SSBP3: variants seen among roughly 807,000 people sequenced by gnomAD.
SSBP3 encodes the protein single-stranded DNA-binding protein 3.
SSBP3 carries 5 observed loss-of-function variants against 69.6 expected under a neutral mutation model. The observed-to-expected ratio is 0.07, with a 90% CI of 0.04 to 0.15. The LOEUF is 0.15. SSBP3 is among the 10% of genes least tolerant of loss of function. The probability of loss-of-function intolerance (pLI) is 1.00; values close to 1 mark genes in which losing one functional copy is unlikely to be tolerated. For missense variants in SSBP3, 312 were observed against 534.0 expected, an observed-to-expected ratio of 0.58 and a Z score of 4.10; for synonymous variants, 196 against 193.4, an observed-to-expected ratio of 1.01 and a Z score of -0.11.
chr1:54,366,923 C>T (rs763396284), intron 4 of SSBP3, among the ~76,000 whole-genome samples: 21 of 152,148 alleles, frequency 1.4e-4, no homozygotes, highest in Non-Finnish European at 2.1e-4. Context: ...CAGTACTTCC[C>T]CCTCCCATTT....
chr1:54,281,411 C>A (rs760717740), intron 5 of SSBP3, 27 bp downstream of exon 5: 56 of 1,536,972 alleles, frequency 3.6e-5, no homozygotes, highest in Non-Finnish European at 8.8e-7. Context: ...CAAGGTGGAG[C>A]ACAAGACCCA....
intron 4 of SSBP3, among the ~76,000 whole-genome samples, chr1:54,297,460 C>A (rs146253676): frequency 5.3e-5 from 8 of 152,090 alleles, no homozygotes; most frequent in Admixed American, 2.6e-4. Context: ...TGAAACCCCC[C>A]TCTCTACTAA....
At chr1:54,327,663 G>T (rs1307980721) in intron 4 of SSBP3, among the ~76,000 whole-genome samples, 1 of 152,090 alleles carries the variant, frequency 6.6e-6, no homozygotes, top group Non-Finnish European at 1.5e-5. Flanking sequence ...TAGTGGAAAG[G>T]CAATTCTACT....
chr1:54,392,603 T>A (rs372028913), intron 4 of SSBP3, among the ~76,000 whole-genome samples: 1 of 152,340 alleles, frequency 6.6e-6, no homozygotes. Flanking sequence ...TTACAAACAG[T>A]GCTTCACCAC....
intron 4 of SSBP3, among the ~76,000 whole-genome samples, chr1:54,348,633 G>A (rs1229566776): frequency 6.6e-6 from 1 of 152,234 alleles, no homozygotes; most frequent in African/African-American, 2.4e-5. Context: ...GAAGGCCAAG[G>A]AGATGGCTGG....
At chr1:54,230,161 A>AT (rs1257902181) in intron 14 of SSBP3, among the ~76,000 whole-genome samples, 1 of 152,134 alleles carries the variant, frequency 6.6e-6, no homozygotes, top group African/African-American at 2.4e-5. Flanking sequence ...CAGCTAGGGT[A>AT]TGAGCTGCTT....
At chr1:54,301,317 G>A (rs1167676658) in intron 4 of SSBP3, among the ~76,000 whole-genome samples, 1 of 152,184 alleles carries the variant, frequency 6.6e-6, no homozygotes, top group African/African-American at 2.4e-5. Flanking sequence ...AAGACCAGCA[G>A]CAGCAGCACG....
intron 4 of SSBP3, among the ~76,000 whole-genome samples, chr1:54,288,527 T>C (rs944439859): frequency 2.1e-5 from 3 of 139,886 alleles, no homozygotes; most frequent in Admixed American, 8.1e-5. Context: ...GACCCTGGAA[T>C]GCAAGAGGGG....
intron 4 of SSBP3, among the ~76,000 whole-genome samples, chr1:54,342,271 C>T (rs1259030302): frequency 3.3e-5 from 5 of 152,258 alleles, no homozygotes; most frequent in African/African-American, 1.2e-4. Flanking sequence ...CCTGCCCCCA[C>T]GCCCACTTGT....
At chr1:54,235,832 GGT>G (rs1644482468) in intron 14 of SSBP3, among the ~76,000 whole-genome samples, 1 of 152,152 alleles carries the variant, frequency 6.6e-6, no homozygotes, top group Admixed American at 6.5e-5. Flanking sequence ...AAAGCACAGA[GGT>G]AATCTGAAGT....
chr1:54,363,904 C>A (rs1289708179), intron 4 of SSBP3, among the ~76,000 whole-genome samples: 1 of 152,230 alleles, frequency 6.6e-6, no homozygotes, highest in African/African-American at 2.4e-5. Context: ...GAGGCCTGGA[C>A]AGGCCACCTC....
At chr1:54,379,154 A>G (rs1464812684) in intron 4 of SSBP3, among the ~76,000 whole-genome samples, 1 of 152,206 alleles carries the variant, frequency 6.6e-6, no homozygotes, top group African/African-American at 2.4e-5. Context: ...AAAAACCCTC[A>G]AAGTGTCAGC....
chr1:54,239,236 A>C, intron 13 of SSBP3, 37 bp from the exon 14 acceptor site: 6 of 1,537,062 alleles, frequency 3.9e-6, no homozygotes, highest in Non-Finnish European at 5.3e-6. Flanking sequence ...CGGGGTGATT[A>C]ATTCGTTTCT....
At chr1:54,232,474 C>G (rs1019975495) in intron 14 of SSBP3, among the ~76,000 whole-genome samples, 1 of 152,142 alleles carries the variant, frequency 6.6e-6, no homozygotes, top group Non-Finnish European at 1.5e-5. Context: ...GTGGCTCGCA[C>G]CTGTAATCCC....
At chr1:54,263,951 G>A (rs1464510134) in intron 5 of SSBP3, among the ~76,000 whole-genome samples, 1 of 152,194 alleles carries the variant, frequency 6.6e-6, no homozygotes, top group Non-Finnish European at 1.5e-5. Context: ...TCTTGGAGCT[G>A]GATGGAAGAT....
intron 4 of SSBP3, among the ~76,000 whole-genome samples, chr1:54,297,340 T>G (rs1645720199): frequency 6.6e-6 from 1 of 152,208 alleles, no homozygotes; most frequent in Non-Finnish European, 1.5e-5. Context: ...ACATAAAAAC[T>G]GTCTCAAGGC....
intron 4 of SSBP3, among the ~76,000 whole-genome samples, chr1:54,323,434 G>C (rs1337005030): frequency 9.9e-5 from 15 of 152,120 alleles, no homozygotes; most frequent in Non-Finnish European, 2.2e-4. Flanking sequence ...CCTCCAGCAG[G>C]GCAGGACGCC....
At chr1:54,365,455 C>G (rs556858471) in intron 4 of SSBP3, among the ~76,000 whole-genome samples, 24 of 152,284 alleles carry the variant, frequency 1.6e-4, no homozygotes, top group Admixed American at 1.1e-3. Flanking sequence ...CAGTAATACT[C>G]TACTATTTGA....
intron 4 of SSBP3, among the ~76,000 whole-genome samples, chr1:54,313,352 C>T (rs933653407): frequency 2.0e-5 from 3 of 151,282 alleles, no homozygotes; most frequent in Admixed American, 6.6e-5. Flanking sequence ...CAGTCTAGGG[C>T]TCCTGCTTTC....
Sources: gnomAD v4.1 joint callset for allele counts (sites outside exome capture counted in the v4.1 genomes callset) on GRCh38, gnomAD v4.1.1 for gene constraint, MANE v1.5 for transcripts, NCBI Gene and HGNC (gene_info 2026-07-23, HGNC 2026-07-21) for gene names.